Variants in NRXN1 observed in about 807,000 individuals in gnomAD.
NRXN1 encodes the protein neurexin-1.
In NRXN1, 39 loss-of-function variants were observed where a neutral mutation model predicts 150.9. The ratio of observed to expected loss-of-function variants is 0.26; its 90% confidence interval spans 0.20 to 0.34. NRXN1 has a LOEUF of 0.34. NRXN1 is among the 10% of genes least tolerant of loss of function. The probability of loss-of-function intolerance (pLI) is 1.00; values close to 1 mark genes in which losing one functional copy is unlikely to be tolerated. For synonymous variants in NRXN1, 924 were observed against 757.0 expected (o/e 1.22, Z -3.62); for missense variants, 1,815 against 1,949.9 (o/e 0.93, Z 1.30).
chr2:50,444,058 T>A (rs1436914131), intron 17 of NRXN1, among the ~76,000 whole-genome samples: 1 of 152,148 alleles, frequency 6.6e-6, no homozygotes, highest in Non-Finnish European at 1.5e-5. Flanking sequence ...CATCAAGGAT[T>A]TTTCACTTCC....
chr2:50,019,134 G>A (rs377305326), intron 21 of NRXN1: 1 of 467,072 alleles, frequency 2.1e-6, no homozygotes, highest in African/African-American at 2.0e-5. Context: ...CATCCCTAGG[G>A]TATAGGGTTC....
At chr2:50,615,468 G>T (rs1399203451) in intron 8 of NRXN1, 6 of 152,118 alleles carry the variant, frequency 3.9e-5, no homozygotes, top group Non-Finnish European at 8.8e-5. Context: ...AAGCATTTCA[G>T]AGCATTTCGG....
intron 17 of NRXN1, among the ~76,000 whole-genome samples, chr2:50,349,860 A>T (rs1465680102): frequency 3.9e-5 from 6 of 152,180 alleles, no homozygotes; most frequent in Admixed American, 1.3e-4. Flanking sequence ...GTTTTCCAAT[A>T]CCCTCATATA....
intron 5 of NRXN1, among the ~76,000 whole-genome samples, chr2:50,674,271 G>A (rs755205251): frequency 2.6e-5 from 4 of 152,016 alleles, no homozygotes; most frequent in Non-Finnish European, 5.9e-5. Flanking sequence ...GCCTAAATAA[G>A]GGCATAAGAA....
chr2:50,208,993 C>G (rs1254213694), intron 18 of NRXN1, among the ~76,000 whole-genome samples: 1 of 152,036 alleles, frequency 6.6e-6, no homozygotes, highest in Non-Finnish European at 1.5e-5. Context: ...TTGCACACCT[C>G]TTATTTCTTC....
chr2:50,156,554 A>G (rs1013490354), intron 18 of NRXN1, among the ~76,000 whole-genome samples: 5 of 151,974 alleles, frequency 3.3e-5, no homozygotes, highest in African/African-American at 1.2e-4. Context: ...CTATAAAGCA[A>G]TAATGTAAGT....
At chr2:50,787,607 A>C (rs549157505) in intron 5 of NRXN1, among the ~76,000 whole-genome samples, 47 of 151,928 alleles carry the variant, frequency 3.1e-4, no homozygotes, top group African/African-American at 1.1e-3. Flanking sequence ...ACAACAACAA[A>C]AACAAGAAAA....
chr2:50,435,822 G>C (rs2104409853), intron 17 of NRXN1, among the ~76,000 whole-genome samples: 1 of 152,172 alleles, frequency 6.6e-6, no homozygotes, highest in African/African-American at 2.4e-5. Flanking sequence ...GGAAGGAGGA[G>C]GGTGAGAATT....
At chr2:50,900,099 G>C (rs1227097329) in intron 5 of NRXN1, among the ~76,000 whole-genome samples, 1 of 152,100 alleles carries the variant, frequency 6.6e-6, no homozygotes, top group African/African-American at 2.4e-5. Context: ...ATATTATCAA[G>C]AGAAGGCTGA....
intron 5 of NRXN1, among the ~76,000 whole-genome samples, chr2:50,777,150 A>G (rs1703752710): frequency 6.6e-6 from 1 of 152,134 alleles, no homozygotes; most frequent in South Asian, 2.1e-4. Flanking sequence ...TTTTAAGTAC[A>G]GAGAGTAGAA....
intron 8 of NRXN1, among the ~76,000 whole-genome samples, chr2:50,601,985 C>T (rs932718016): frequency 6.6e-6 from 1 of 152,166 alleles, no homozygotes; most frequent in East Asian, 1.9e-4. Flanking sequence ...AGAGTCTGGA[C>T]CAAGAATCAT....
intron 2 of NRXN1, among the ~76,000 whole-genome samples, chr2:50,987,572 T>G (rs1400790511): frequency 6.6e-6 from 1 of 151,946 alleles, no homozygotes; most frequent in East Asian, 1.9e-4. Context: ...ATCAGAATCT[T>G]ACCAAGAAAA....
intron 2 of NRXN1, among the ~76,000 whole-genome samples, chr2:51,025,991 G>C (rs980259101): frequency 1.3e-5 from 2 of 151,720 alleles, no homozygotes; most frequent in Non-Finnish European, 2.9e-5. Flanking sequence ...GGCTACAGAA[G>C]TCTCCTAAAG....
intron 21 of NRXN1, among the ~76,000 whole-genome samples, chr2:50,033,408 A>G (rs1038211392): frequency 6.6e-6 from 1 of 152,158 alleles, no homozygotes; most frequent in Non-Finnish European, 1.5e-5. Context: ...TGGTGCTGAG[A>G]TAACTGACTA....
At chr2:50,067,415 A>T (rs937889467) in intron 19 of NRXN1, among the ~76,000 whole-genome samples, 1 of 152,132 alleles carries the variant, frequency 6.6e-6, no homozygotes, top group African/African-American at 2.4e-5. Flanking sequence ...TGAATTTTGG[A>T]TCTCATTGCC....
chr2:50,616,600 C>A lies in NRXN1; in HGVS notation c.1320+3422G>T, dbSNP rs1414002856. ...ATCGGCCATTTAAATATTATATTTT[C>A]CTTGATAGGGTTCTGTATTCTAATC... On this transcript the variant is annotated intron_variant, in intron 8 of 22. Coordinates refer to ENST00000401669, the MANE Select transcript of NRXN1 (RefSeq NM_001330078.2). 3 of 152,038 alleles carry A rather than the reference C, an allele frequency of 2.0e-5. No individual in the cohort carries two copies. The East Asian group carries it at 5.8e-4, about 29-fold the overall frequency. 9.4% of individuals were successfully genotyped at this position (152,038 alleles called of 1,614,324 possible). A position where few individuals can be genotyped will look rare whatever the true frequency, so the allele number is the denominator to read the frequency against.
At chr2:50,122,864 T>C (rs1384567619) in intron 18 of NRXN1, among the ~76,000 whole-genome samples, 1 of 152,194 alleles carries the variant, frequency 6.6e-6, no homozygotes, top group African/African-American at 2.4e-5. Context: ...AATTCATTTA[T>C]TCACTCATTT....
intron 5 of NRXN1, among the ~76,000 whole-genome samples, chr2:50,798,530 A>G (rs991716693): frequency 2.0e-5 from 3 of 152,188 alleles, no homozygotes; most frequent in Admixed American, 6.5e-5. Context: ...TGGTTCAGCA[A>G]GTTAACACTG....
chr2:50,007,470 G>C (rs1286203139), intron 21 of NRXN1, among the ~76,000 whole-genome samples: 1 of 152,104 alleles, frequency 6.6e-6, no homozygotes, highest in South Asian at 2.1e-4. Context: ...TTATGAGTGA[G>C]AACACACAGT....
Sources: gnomAD v4.1 joint callset for allele counts (sites outside exome capture counted in the v4.1 genomes callset) on GRCh38, gnomAD v4.1.1 for gene constraint, MANE v1.5 for transcripts, NCBI Gene and HGNC (gene_info 2026-07-23, HGNC 2026-07-21) for gene names.